Variants in CABLES1 observed in about 807,000 individuals in gnomAD.
The protein encoded by CABLES1 is CDK5 and ABL1 enzyme substrate 1.
A neutral mutation model predicts 57.8 loss-of-function variants in CABLES1; 36 were observed. The observed-to-expected ratio is 0.62, with a 90% CI of 0.48 to 0.82. CABLES1 has a LOEUF of 0.82. Ranked by LOEUF, CABLES1 falls within the 40% of genes least tolerant of loss-of-function variation. The probability of loss-of-function intolerance (pLI) is 0.00; values close to 1 mark genes in which losing one functional copy is unlikely to be tolerated. For synonymous variants in CABLES1, 374 were observed against 363.0 expected (o/e 1.03, Z -0.35); for missense variants, 767 against 836.6 (o/e 0.92, Z 1.03).
intron 1 of CABLES1, among the ~76,000 whole-genome samples, chr18:23,174,306 A>G (rs2047104852): frequency 6.6e-6 from 1 of 152,216 alleles, no homozygotes; most frequent in Non-Finnish European, 1.5e-5. Flanking sequence ...TCATGGCAGA[A>G]TAATACTGCA....
intron 1 of CABLES1, among the ~76,000 whole-genome samples, chr18:23,137,101 C>A (rs1329197341): frequency 2.0e-5 from 3 of 152,224 alleles, no homozygotes; most frequent in Non-Finnish European, 4.4e-5. Context: ...AGTCTTCTTG[C>A]GGCCCGGGGA....
At chr18:23,217,709 G>A (rs567334740) in intron 4 of CABLES1, among the ~76,000 whole-genome samples, 6 of 152,148 alleles carry the variant, frequency 3.9e-5, no homozygotes, top group South Asian at 4.1e-4. Context: ...GTAAATATAC[G>A]AATAAATATA....
In CABLES1 at chr18:23,135,677, G is replaced by T; in HGVS notation, c.-86G>T. 1.0e-6 allele frequency: 1 copy of T among 980,356 alleles called. No homozygotes were observed. The highest frequency in any genetic ancestry group is 1.2e-6 in the Non-Finnish European group (1 of 827,248). 60.7% of individuals were successfully genotyped at this position (980,356 alleles called of 1,614,324 possible). On this transcript the variant is annotated 5_prime_UTR_variant, in exon 1 of 10. Transcript: ENST00000256925. ...GATCCCCGCGCCCTACCCAGCCCGG[G>T]TCGCCGCCGCTCGCGCCCGCCGCTT...
intron 2 of CABLES1, among the ~76,000 whole-genome samples, chr18:23,194,157 A>G (rs45619341): frequency 6.6e-6 from 1 of 152,050 alleles, no homozygotes; most frequent in Non-Finnish European, 1.5e-5. Context: ...TGTCTTTGGA[A>G]TCTGCATAGG....
intron 1 of CABLES1, among the ~76,000 whole-genome samples, chr18:23,177,418 TACACACACACACACACACAC>T (rs10692529): frequency 9.0e-5 from 13 of 144,738 alleles, no homozygotes; most frequent in African/African-American, 2.8e-4. Flanking sequence ...AGCACATGTG[TACACACACACACACACACAC>T]ACACACACAC....
At chr18:23,257,128 T>C in intron 9 of CABLES1, 99 bp from the exon 10 acceptor site, 1 of 1,371,238 alleles carries the variant, frequency 7.3e-7, no homozygotes, top group East Asian at 2.3e-5. Context: ...GGATTTCTCC[T>C]GAGCACTCAC....
intron 4 of CABLES1, among the ~76,000 whole-genome samples, chr18:23,216,832 A>T (rs938143072): frequency 4.6e-4 from 70 of 152,142 alleles, no homozygotes; most frequent in African/African-American, 1.7e-3. Flanking sequence ...TGGTGCTAGG[A>T]AACAGTGTCT....
At chr18:23,165,537 C>G (rs866295343) in intron 1 of CABLES1, among the ~76,000 whole-genome samples, 1 of 152,026 alleles carries the variant, frequency 6.6e-6, no homozygotes, top group Non-Finnish European at 1.5e-5. Flanking sequence ...CCTGCCCCCC[C>G]AGTCCCTGGC....
chr18:23,213,229 T>C (rs2047417486), intron 3 of CABLES1, among the ~76,000 whole-genome samples: 3 of 152,236 alleles, frequency 2.0e-5, no homozygotes, highest in African/African-American at 4.8e-5. Flanking sequence ...TGATGTGATA[T>C]TGACTTTGTG....
chr18:23,141,704 A>T (rs770448509), intron 1 of CABLES1, among the ~76,000 whole-genome samples: 1 of 152,308 alleles, frequency 6.6e-6, no homozygotes, highest in Middle Eastern at 3.4e-3. Context: ...AGCTCAGGAG[A>T]AATACATAGG....
chr18:23,209,019 T>C (rs2047384548), intron 3 of CABLES1, among the ~76,000 whole-genome samples: 1 of 152,240 alleles, frequency 6.6e-6, no homozygotes, highest in African/African-American at 2.4e-5. Context: ...TCATCCTTAC[T>C]TGATAACATC....
At chr18:23,232,437 C>T (rs1396628914) in intron 4 of CABLES1, among the ~76,000 whole-genome samples, 2 of 152,320 alleles carry the variant, frequency 1.3e-5, no homozygotes, top group East Asian at 3.9e-4. Flanking sequence ...CCTCCCTGCC[C>T]ACCGCAGGTA....
At chr18:23,153,622 T>G (rs150225541) in intron 1 of CABLES1, among the ~76,000 whole-genome samples, 2,541 of 152,046 alleles carry the variant, frequency 0.017, 53 homozygotes, top group African/African-American at 0.049. Context: ...TAATCCCAGC[T>G]ACTCGGGAGG....
chr18:23,200,379 C>T (rs1703176528), intron 3 of CABLES1, among the ~76,000 whole-genome samples: 1 of 152,022 alleles, frequency 6.6e-6, no homozygotes, highest in Non-Finnish European at 1.5e-5. Flanking sequence ...CCTGCCTCAG[C>T]CTCCCGAGTA....
intron 1 of CABLES1, among the ~76,000 whole-genome samples, chr18:23,163,232 G>A (rs541855296): frequency 1.3e-5 from 2 of 152,242 alleles, no homozygotes; most frequent in East Asian, 3.9e-4. Flanking sequence ...GAGTTTGGCA[G>A]TGAAGTTTGA....
At chr18:23,143,572 C>T (rs1416419605) in intron 1 of CABLES1, among the ~76,000 whole-genome samples, 1 of 152,240 alleles carries the variant, frequency 6.6e-6, no homozygotes, top group Non-Finnish European at 1.5e-5. Context: ...CCCACTCGTG[C>T]AAGTCTTGCC....
intron 4 of CABLES1, among the ~76,000 whole-genome samples, chr18:23,229,650 A>T (rs1269067641): frequency 6.6e-6 from 1 of 152,252 alleles, no homozygotes; most frequent in African/African-American, 2.4e-5. Flanking sequence ...ATGATCTTAG[A>T]AAATACCAAG....
chr18:23,248,538 T>TTTTTTTTTTA (rs1555671608), intron 7 of CABLES1, among the ~76,000 whole-genome samples: 15 of 93,610 alleles, frequency 1.6e-4, no homozygotes, highest in Admixed American at 5.0e-4. Context: ...TTTTTTTTTT[T>TTTTTTTTTTA]AAAAAAAGGC....
In CABLES1 at chr18:23,246,547, A is replaced by G. The variant is rs897298590; in HGVS notation, c.1447-6413A>G. 2.6e-5 allele frequency among the ~76,000 whole-genome samples: 4 copies of G among 151,850 alleles called. No homozygotes were observed. In the East Asian group the frequency reaches 5.9e-4, roughly 22 times the overall value. ...GCTGGGACTACAGGCACCCGCCACC[A>G]CACCCGGCTAATTTTTTGTGTTTTT... On this transcript the variant is annotated intron_variant, in intron 7 of 9. Coordinates refer to ENST00000256925, the MANE Select transcript of CABLES1 (RefSeq NM_001100619.3).
Sources: gnomAD v4.1 joint callset for allele counts (sites outside exome capture counted in the v4.1 genomes callset) on GRCh38, gnomAD v4.1.1 for gene constraint, MANE v1.5 for transcripts, NCBI Gene and HGNC (gene_info 2026-07-23, HGNC 2026-07-21) for gene names.